Variants in GLCCI1 observed in about 807,000 individuals in gnomAD.
GLCCI1 encodes glucocorticoid-induced transcript 1 protein.
In GLCCI1, 24 loss-of-function variants were observed where a neutral mutation model predicts 52.2. The observed-to-expected ratio is 0.46, with a 90% CI of 0.33 to 0.65. The LOEUF (loss-of-function observed/expected upper bound fraction) is 0.65, where lower values mean the gene tolerates loss of function less well. Ranked by LOEUF, GLCCI1 falls within the 30% of genes least tolerant of loss-of-function variation. The probability of loss-of-function intolerance (pLI) is 0.02; values close to 1 mark genes in which losing one functional copy is unlikely to be tolerated. For missense variants in GLCCI1, 704 were observed against 701.5 expected (o/e 1.00, Z -0.04); for synonymous variants, 310 against 276.5 (o/e 1.12, Z -1.20).
chr7:8,055,419 C>G lies in GLCCI1; in HGVS notation c.697-14C>G, dbSNP rs751161157. 1.3e-6 allele frequency: 2 copies of G among 1,546,848 alleles called. No homozygotes were observed. Among genetic ancestry groups the G allele is most frequent in the African/African-American group, 2.7e-5 (2 of 73,664 alleles). On this transcript the variant is annotated splice_polypyrimidine_tract_variant and intron_variant, in intron 3 of 7. Transcript: ENST00000223145. ...TTTTATTCTCTTCTTACTTCTCTTT[C>G]CCTGTCCCCAAAGCAGATCGCCAAA...
chr7:8,037,075 T>G (rs1270319734), intron 3 of GLCCI1, among the ~76,000 whole-genome samples: 2 of 142,342 alleles, frequency 1.4e-5, no homozygotes, highest in Non-Finnish European at 3.0e-5. Context: ...TATTGCAAGA[T>G]GACTCGACCA....
At chr7:8,057,734 A>C (rs1782430928) in intron 4 of GLCCI1, among the ~76,000 whole-genome samples, 1 of 152,134 alleles carries the variant, frequency 6.6e-6, no homozygotes, top group Admixed American at 6.5e-5. Context: ...TTTTCTTCTT[A>C]ATCTGATACA....
intron 1 of GLCCI1, among the ~76,000 whole-genome samples, chr7:7,992,454 G>C (rs1486424804): frequency 6.6e-6 from 1 of 151,882 alleles, no homozygotes; most frequent in South Asian, 2.1e-4. Flanking sequence ...ACAATATTCC[G>C]TAAGTTCTTG....
chr7:7,971,665 C>T (rs1469780316), intron 1 of GLCCI1, among the ~76,000 whole-genome samples: 1 of 152,142 alleles, frequency 6.6e-6, no homozygotes, highest in Non-Finnish European at 1.5e-5. Flanking sequence ...TTTCTGCATC[C>T]TTCAAAAGGC....
rs559302257 is a variant in GLCCI1, at chr7:8,086,705, G to C, written c.*167G>C. 2.6e-5 allele frequency: 16 copies of C among 619,244 alleles called. No individual in the cohort carries two copies. Among genetic ancestry groups the C allele is most frequent in the East Asian group, 1.4e-4 (5 of 35,702 alleles). The allele number at this position is 619,244 out of a possible 1,614,324, so 38.4% of individuals were successfully genotyped here. The stretch of plus-strand genomic sequence containing the variant: ...TTGGCAGGGACGGAACTCCTATTCA[G>C]CAGTTTTTGTGGAAAGCAGTAATGC... On this transcript the variant is annotated 3_prime_UTR_variant, in exon 8 of 8. Coordinates refer to ENST00000223145, the MANE Select transcript of GLCCI1 (RefSeq NM_138426.4). The surrounding 1 kb of genome is among the most constrained non-coding windows in gnomAD (Gnocchi z 4.4).
chr7:8,017,440 A>G (rs1241176220), intron 2 of GLCCI1, among the ~76,000 whole-genome samples: 1 of 152,210 alleles, frequency 6.6e-6, no homozygotes, highest in African/African-American at 2.4e-5. Flanking sequence ...AGAATCCATC[A>G]GAATAATCTG....
chr7:7,996,227 A>C (rs997460531), intron 1 of GLCCI1, among the ~76,000 whole-genome samples: 2 of 152,160 alleles, frequency 1.3e-5, no homozygotes, highest in African/African-American at 4.8e-5. Flanking sequence ...CTTCTTTAGT[A>C]TATGAACTCA....
At chr7:7,998,306 T>G (rs1267395568) in intron 1 of GLCCI1, among the ~76,000 whole-genome samples, 1 of 152,086 alleles carries the variant, frequency 6.6e-6, no homozygotes, top group East Asian at 1.9e-4. Flanking sequence ...AACCTCCGCC[T>G]TTCGGGTCAA....
intron 6 of GLCCI1, among the ~76,000 whole-genome samples, chr7:8,079,289 T>G (rs758820329): frequency 2.0e-5 from 3 of 152,144 alleles, no homozygotes; most frequent in Non-Finnish European, 4.4e-5. Context: ...TTTTTTGTTT[T>G]TTTAAAAACT....
chr7:8,006,152 A>G (rs776679838), intron 2 of GLCCI1, among the ~76,000 whole-genome samples: 7 of 152,232 alleles, frequency 4.6e-5, no homozygotes, highest in Non-Finnish European at 7.3e-5. Context: ...AAGAGAAGCC[A>G]GAGAAAGAGC....
In GLCCI1 at chr7:8,087,150, C is replaced by T. The variant is rs543634350; in HGVS notation, c.*612C>T. ...TAAAGAGGGAACATCACTCTTTTGCCTTTCCTTATTTTATGCATTTCCCTT... is the reference window on the plus strand; with the variant it reads ...TAAAGAGGGAACATCACTCTTTTGCTTTTCCTTATTTTATGCATTTCCCTT... On this transcript the variant is annotated 3_prime_UTR_variant, in exon 8 of 8. Transcript: ENST00000223145. 1 of 152,710 alleles carries T rather than the reference C, an allele frequency of 6.5e-6. No individual in the cohort carries two copies. Among genetic ancestry groups the T allele is most frequent in the South Asian group, 2.1e-4 (1 of 4,828 alleles). The allele number at this position is 152,710 out of a possible 1,614,324, so 9.5% of individuals were successfully genotyped here.
At chr7:8,023,585 A>ATTTTTTT (rs1268659559) in intron 3 of GLCCI1, among the ~76,000 whole-genome samples, 3 of 39,780 alleles carry the variant, frequency 7.5e-5, no homozygotes, top group Non-Finnish European at 5.1e-5. Context: ...AATCTCTGTT[A>ATTTTTTT]TTCTTTTTTT....
Position 7,998,782 on chromosome 7 carries a change from C to T in GLCCI1, c.458-5126C>T, listed in dbSNP as rs116098435. Among the ~76,000 whole-genome samples, 1,356 of 152,176 alleles carry T rather than the reference C, an allele frequency of 8.9e-3. 8 individuals carry two copies. The highest frequency in any genetic ancestry group is 0.022 in the African/African-American group (913 of 41,536). ...TTTATTAGATCTAAAAGTTTAGCTGCTAATTACAGATTTCAAAGAATTGGT... is the reference window on the plus strand; with the variant it reads ...TTTATTAGATCTAAAAGTTTAGCTGTTAATTACAGATTTCAAAGAATTGGT... On this transcript the variant is annotated intron_variant, in intron 1 of 7. Transcript: ENST00000223145.
In GLCCI1 at chr7:8,060,097, C is replaced by T. The variant is rs1423206523; in HGVS notation, c.815C>T (p.Ala272Val). The T allele has an allele frequency of 6.2e-7, 1 of 1,610,206 alleles. No homozygotes were observed. The highest frequency in any genetic ancestry group is 1.7e-5 in the Admixed American group (1 of 59,322). ...TACCACCTTTATCTTATCTCATAGG[C>T]TACTGGATCAAGGTCAGTTCCTATG... ...GNHITISHTQATGSRSVPMPL... is the reference protein window; with the variant it reads ...GNHITISHTQVTGSRSVPMPL... Residue 272 changes from alanine (A) to valine (V), a missense_variant and splice_region_variant, in exon 5 of 8, where the codon GCT becomes GTT. Physicochemically the swap from Ala to Val is moderately conservative, Grantham distance 64. Coordinates refer to ENST00000223145, the MANE Select transcript of GLCCI1 (RefSeq NM_138426.4).
chr7:8,014,596 C>T (rs928733101), intron 2 of GLCCI1, among the ~76,000 whole-genome samples: 3 of 152,082 alleles, frequency 2.0e-5, no homozygotes, highest in African/African-American at 4.8e-5. Context: ...GCAAGATTTC[C>T]TTCCTCTGTG....
intron 3 of GLCCI1, among the ~76,000 whole-genome samples, chr7:8,045,443 A>G (rs531509662): frequency 6.6e-6 from 1 of 152,306 alleles, no homozygotes; most frequent in African/African-American, 2.4e-5. Flanking sequence ...TTCAATGAAC[A>G]ATATGATGAA....
chr7:8,049,364 T>C (rs1782206129), intron 3 of GLCCI1, among the ~76,000 whole-genome samples: 1 of 152,188 alleles, frequency 6.6e-6, no homozygotes, highest in South Asian at 2.1e-4. Flanking sequence ...GCAGTAATGG[T>C]TTTTCTGGAC....
intron 5 of GLCCI1, among the ~76,000 whole-genome samples, chr7:8,065,384 GCTGT>G (rs1782610063): frequency 6.6e-6 from 1 of 152,130 alleles, no homozygotes. Context: ...CCTATTTGTG[GCTGT>G]CTTTTATTTC....
intron 3 of GLCCI1, among the ~76,000 whole-genome samples, chr7:8,042,301 T>C (rs575686919): frequency 6.6e-5 from 10 of 152,256 alleles, no homozygotes; most frequent in Non-Finnish European, 1.3e-4. Flanking sequence ...ATTCCTTTGA[T>C]GAATCTGGGC....
Sources: gnomAD v4.1 joint callset for allele counts (sites outside exome capture counted in the v4.1 genomes callset) on GRCh38, gnomAD v4.1.1 for gene constraint, Gnocchi (gnomAD v3.1) non-coding constraint, MANE v1.5 for transcripts, NCBI Gene and HGNC (gene_info 2026-07-23, HGNC 2026-07-21) for gene names.